Variants in XYLB observed in about 807,000 individuals in gnomAD.
XYLB encodes xylulokinase, also known as xylulose kinase.
In XYLB, 62 loss-of-function variants were observed where a neutral mutation model predicts 78.7. That is an observed-to-expected ratio of 0.79 (90% CI 0.64 to 0.97). XYLB has a LOEUF of 0.97. Ranked by LOEUF, XYLB falls within the 50% of genes least tolerant of loss-of-function variation. The pLI is 0.00. For missense variants in XYLB, 687 were observed against 676.8 expected (o/e 1.02, Z -0.17); for synonymous variants, 245 against 247.4 (o/e 0.99, Z 0.09).
chr3:38,433,917 T>A, the XYLB span, among the ~76,000 whole-genome samples: 1 of 152,226 alleles, frequency 6.6e-6, no homozygotes, highest in Non-Finnish European at 1.5e-5. Context: ...CTCAAGCTCC[T>A]ATGAATAAAT....
chr3:38,379,239 G>T lies in XYLB; in HGVS notation c.1195-7G>T, dbSNP rs752400589. The T allele has an allele frequency of 4.3e-6, 7 of 1,613,918 alleles. No homozygotes were observed. The African/African-American group carries it at 9.3e-5, about 22-fold the overall frequency. ...CTTACTCTGTGCCCACCTTTTCCTG[G>T]AGACAGGTTGCAGCATTCCCTGGGG... On this transcript the variant is annotated splice_polypyrimidine_tract_variant and splice_region_variant and intron_variant, in intron 14 of 18. Coordinates refer to ENST00000207870, the MANE Select transcript of XYLB (RefSeq NM_005108.4).
chr3:38,364,225 C>T (rs1233054120), intron 4 of XYLB, among the ~76,000 whole-genome samples: 1 of 151,986 alleles, frequency 6.6e-6, no homozygotes, highest in Non-Finnish European at 1.5e-5. Flanking sequence ...GCCTCCTCCA[C>T]CTTCCCACCC....
chr3:38,397,110 A>G lies in XYLB; in HGVS notation c.1389A>G (p.Ile463Met). Reference protein sequence around the residue: ...ADVFDAPVYVIDTANSACVGS... With the variant: ...ADVFDAPVYVMDTANSACVGS... The stretch of plus-strand genomic sequence containing the variant: ...TGTTTGATGCCCCGGTGTATGTTAT[A>G]GACACTGCCAACTCGGCCTGTGTGG... The change falls in exon 17 of 19, where the codon ATA becomes ATG. Residue 463 changes from isoleucine to methionine, a missense_variant. Coordinates refer to ENST00000207870, the MANE Select transcript of XYLB (RefSeq NM_005108.4). 1.2e-6 allele frequency: 2 copies of G among 1,614,136 alleles called. No individual in the cohort carries two copies. Among genetic ancestry groups the G allele is most frequent in the Middle Eastern group, 1.6e-4 (1 of 6,062 alleles).
At chr3:38,387,288 CA>C (rs1707422967) in intron 15 of XYLB, among the ~76,000 whole-genome samples, 1 of 150,318 alleles carries the variant, frequency 6.7e-6, no homozygotes, top group South Asian at 2.1e-4. Flanking sequence ...GCTGTTGTCC[CA>C]TAGGACTTTG....
Position 38,368,238 on chromosome 3 carries a change from C to T in XYLB, c.627C>T (p.Ser209=), listed in dbSNP as rs773712161. ...CTTCCCTGTTCCTTGGCTCTTACTC[C>T]CCTATTGACTACAGTGATGGTGAGC... is the stretch of plus-strand genomic sequence containing the variant. The part of the protein sequence containing the change: ...FAASLFLGSY[S]PIDYSDGSGM... Residue 209 remains serine, a synonymous_variant, in exon 8 of 19, where the codon TCC becomes TCT. Coordinates refer to ENST00000207870, the MANE Select transcript of XYLB (RefSeq NM_005108.4). 5 of 1,613,990 alleles carry T rather than the reference C, an allele frequency of 3.1e-6. No homozygotes were observed. The highest frequency in any genetic ancestry group is 4.2e-6 in the Non-Finnish European group (5 of 1,180,012).
At chr3:38,353,042 A>G (rs148722911) in intron 2 of XYLB, among the ~76,000 whole-genome samples, 29 of 152,094 alleles carry the variant, frequency 1.9e-4, no homozygotes, top group African/African-American at 6.5e-4. Context: ...AGTTGTCGCT[A>G]TTATTGCCAC....
chr3:38,410,391 G>C (rs1442702381), intron 18 of XYLB, among the ~76,000 whole-genome samples: 2 of 152,156 alleles, frequency 1.3e-5, no homozygotes, highest in African/African-American at 4.8e-5. Context: ...ATTCAAGATG[G>C]ATTAAAGACT....
Position 38,374,351 on chromosome 3 carries a change from G to A in XYLB, c.848-111G>A, listed in dbSNP as rs1706733326. 7 of 1,470,726 alleles carry A rather than the reference G, an allele frequency of 4.8e-6. No individual in the cohort carries two copies. In the Admixed American group the frequency reaches 8.9e-5, roughly 19 times the overall value. The allele number at this position is 1,470,726 out of a possible 1,614,324, so 91.1% of individuals were successfully genotyped here. On this transcript the variant is annotated intron_variant, in intron 10 of 18. Transcript: ENST00000207870. ...CCTGCTCCTGCCTCCACCCTAGGGT[G>A]TGGGTGGGGGTTGGAGGTGGGGGCT...
chr3:38,374,639 A>T, intron 11 of XYLB, 137 bp downstream of exon 11: 1 of 1,043,572 alleles, frequency 9.6e-7, no homozygotes, highest in Non-Finnish European at 1.4e-6. Flanking sequence ...TCTGCTACTT[A>T]TCAGAGTGTC....
At chr3:38,386,777 C>G (rs1268395697) in intron 15 of XYLB, among the ~76,000 whole-genome samples, 1 of 152,204 alleles carries the variant, frequency 6.6e-6, no homozygotes, top group African/African-American at 2.4e-5. Flanking sequence ...AAAATCATAC[C>G]AGATGGAAAG....
chr3:38,375,924 T>TCCCAGGTG (rs1206345174), intron 12 of XYLB, among the ~76,000 whole-genome samples, 193 bp from the exon 13 acceptor site: 2 of 152,134 alleles, frequency 1.3e-5, no homozygotes, highest in Non-Finnish European at 2.9e-5. Context: ...TTCCGGCACC[T>TCCCAGGTG]CCCAGGGACA....
At chr3:38,347,657 C>A (rs1479450526) in intron 1 of XYLB, among the ~76,000 whole-genome samples, 2 of 151,486 alleles carry the variant, frequency 1.3e-5, no homozygotes, top group Non-Finnish European at 2.9e-5. Context: ...GCCTGGGCGA[C>A]AGAACGGGAC....
intron 8 of XYLB, 58 bp downstream of exon 8, chr3:38,368,315 G>A (rs988887540): frequency 1.3e-5 from 20 of 1,533,432 alleles, no homozygotes; most frequent in Non-Finnish European, 1.7e-5. Context: ...ATGTGGGTGT[G>A]CAAGCAGTGG....
intron 15 of XYLB, among the ~76,000 whole-genome samples, chr3:38,388,356 G>A (rs77504154): frequency 0.041 from 6,305 of 151,940 alleles, 260 homozygotes; most frequent in African/African-American, 0.11. Flanking sequence ...TATTGTATTC[G>A]TCAAAATTGC....
At chr3:38,403,281 C>T (rs1265400201) in intron 18 of XYLB, among the ~76,000 whole-genome samples, 4 of 138,520 alleles carry the variant, frequency 2.9e-5, no homozygotes, top group Non-Finnish European at 6.5e-5. Flanking sequence ...GCGACAGAGA[C>T]CCTGTCTCAA....
chr3:38,380,153 G>A (rs1361791110), intron 15 of XYLB, among the ~76,000 whole-genome samples: 1 of 152,118 alleles, frequency 6.6e-6, no homozygotes, highest in Non-Finnish European at 1.5e-5. Flanking sequence ...AAGCCCTCAT[G>A]ACCCAATCTC....
chr3:38,366,779 G>T, intron 6 of XYLB, 29 bp from the exon 7 acceptor site: 3 of 1,525,936 alleles, frequency 2.0e-6, no homozygotes, highest in Non-Finnish European at 2.7e-6. Context: ...TAGGATTTGG[G>T]TTCCTAAGAA....
chr3:38,365,212 T>C lies in XYLB; in HGVS notation c.305T>C (p.Ile102Thr). Residue 102 changes from isoleucine to threonine, a missense_variant, in exon 5 of 19, where the codon ATA (isoleucine) becomes ACA (threonine). Physicochemically the swap from Ile to Thr is moderately conservative, Grantham distance 89 (BLOSUM62 -1). Transcript: ENST00000207870. The part of the protein sequence containing the change: ...LSGAGQQHGS[I>T]YWKAGAQQAL... ...GTTTCCCAACAGCAACACGGAAGTATATACTGGAAGGCTGGAGCCCAGCAG... is the reference window on the plus strand; with the variant it reads ...GTTTCCCAACAGCAACACGGAAGTACATACTGGAAGGCTGGAGCCCAGCAG... 1 of 1,614,186 alleles carries C rather than the reference T, an allele frequency of 6.2e-7. No individual in the cohort carries two copies. The highest frequency in any genetic ancestry group is 8.5e-7 in the Non-Finnish European group (1 of 1,180,038).
chr3:38,371,110 A>C (rs370961772), intron 9 of XYLB, among the ~76,000 whole-genome samples: 1 of 152,084 alleles, frequency 6.6e-6, no homozygotes, highest in Non-Finnish European at 1.5e-5. Flanking sequence ...CCACAGAAGC[A>C]CTTTTGTTTT....
Sources: gnomAD v4.1 joint callset for allele counts (sites outside exome capture counted in the v4.1 genomes callset) on GRCh38, gnomAD v4.1.1 for gene constraint, MANE v1.5 for transcripts, NCBI Gene and HGNC (gene_info 2026-07-23, HGNC 2026-07-21) for gene names.